The following CRPPA variants were observed in gnomAD, a reference collection of about 807,000 sequenced individuals.
CRPPA encodes CDP-L-ribitol pyrophosphorylase A, also known as D-ribitol-5-phosphate cytidylyltransferase.
A neutral mutation model predicts 52.0 loss-of-function variants in CRPPA; 43 were observed. The ratio of observed to expected loss-of-function variants is 0.83; its 90% CI spans 0.65 to 1.07. The LOEUF (loss-of-function observed/expected upper bound fraction) is 1.07, where lower values mean the gene tolerates loss of function less well. Among genes scored for constraint, CRPPA ranks in the 50% least tolerant of loss-of-function variants. The pLI is 0.00. For synonymous variants in CRPPA, 250 were observed against 203.5 expected, an observed-to-expected ratio of 1.23 and a Z score of -1.94; for missense variants, 629 against 551.7, an observed-to-expected ratio of 1.14 and a Z score of -1.40.
chr7:16,095,875 T>C (rs1781925756), intron 9 of CRPPA, among the ~76,000 whole-genome samples: 1 of 152,172 alleles, frequency 6.6e-6, no homozygotes, highest in Non-Finnish European at 1.5e-5. Context: ...TAACTGTGCA[T>C]GCCCAAGGAG....
intron 2 of CRPPA, among the ~76,000 whole-genome samples, chr7:16,394,859 T>C (rs559447514): frequency 6.6e-5 from 10 of 152,294 alleles, no homozygotes; most frequent in African/African-American, 2.2e-4. Context: ...AATAACTTCT[T>C]GGCTGACTCC....
intron 3 of CRPPA, among the ~76,000 whole-genome samples, chr7:16,337,008 G>A (rs1024179031): frequency 2.0e-5 from 3 of 152,072 alleles, no homozygotes; most frequent in Non-Finnish European, 4.4e-5. Flanking sequence ...TCTGAATGAA[G>A]AGAGAGATTG....
intron 5 of CRPPA, among the ~76,000 whole-genome samples, chr7:16,288,266 G>T (rs1034175138): frequency 6.6e-6 from 1 of 151,588 alleles, no homozygotes; most frequent in African/African-American, 2.4e-5. Flanking sequence ...GAAAGATCAA[G>T]AAATTATCAC....
chr7:16,135,818 C>T (rs946994077), intron 9 of CRPPA, among the ~76,000 whole-genome samples: 11 of 152,288 alleles, frequency 7.2e-5, no homozygotes, highest in Admixed American at 2.0e-4. Flanking sequence ...AGTTGTTAAT[C>T]TCCCATGAAA....
At chr7:16,211,064 A>G (rs1236682343) in intron 9 of CRPPA, among the ~76,000 whole-genome samples, 1 of 152,196 alleles carries the variant, frequency 6.6e-6, no homozygotes, top group African/African-American at 2.4e-5. Context: ...CATGATGTGA[A>G]TGGATCAAAT....
chr7:16,366,779 G>C (rs1786602424), intron 3 of CRPPA, among the ~76,000 whole-genome samples: 1 of 148,098 alleles, frequency 6.8e-6, no homozygotes, highest in Non-Finnish European at 1.5e-5. Context: ...AAAAAAAAAG[G>C]CAAGAGGGAG....
chr7:16,141,346 ATC>A (rs1782866185), intron 9 of CRPPA, among the ~76,000 whole-genome samples: 1 of 152,202 alleles, frequency 6.6e-6, no homozygotes, highest in Non-Finnish European at 1.5e-5. Flanking sequence ...AACACTCAGC[ATC>A]TGATTTGTAT....
chr7:16,282,462 G>A (rs1784338908), intron 5 of CRPPA, among the ~76,000 whole-genome samples: 1 of 152,178 alleles, frequency 6.6e-6, no homozygotes, highest in Non-Finnish European at 1.5e-5. Context: ...TCAAGAGATG[G>A]AGGAGGAGAA....
At chr7:16,112,372 C>T (rs1782284047) in intron 9 of CRPPA, among the ~76,000 whole-genome samples, 1 of 151,124 alleles carries the variant, frequency 6.6e-6, no homozygotes, top group South Asian at 2.1e-4. Flanking sequence ...AACAAAATAC[C>T]ATTAGTTGAA....
chr7:16,398,503 C>T (rs189858004), intron 2 of CRPPA, among the ~76,000 whole-genome samples: 10 of 152,122 alleles, frequency 6.6e-5, no homozygotes, highest in Admixed American at 2.6e-4. Context: ...ATCATTGGCA[C>T]GTGATTGGCA....
intron 9 of CRPPA, among the ~76,000 whole-genome samples, chr7:16,213,153 G>T (rs1444758683): frequency 6.6e-6 from 1 of 152,146 alleles, no homozygotes; most frequent in East Asian, 1.9e-4. Flanking sequence ...ATTCATGCCA[G>T]AAACATTCTG....
chr7:16,299,919 A>C (rs1477475259), intron 5 of CRPPA, among the ~76,000 whole-genome samples: 1 of 151,466 alleles, frequency 6.6e-6, no homozygotes, highest in Non-Finnish European at 1.5e-5. Context: ...AATTGTTGAC[A>C]AAAAAAAAGT....
At chr7:16,313,923 A>T (rs1047658540) in intron 3 of CRPPA, among the ~76,000 whole-genome samples, 2 of 151,936 alleles carry the variant, frequency 1.3e-5, no homozygotes, top group Admixed American at 6.6e-5. Flanking sequence ...TGGCCCAGAA[A>T]GTGGTCTATC....
chr7:16,214,201 C>A (rs551797016), intron 9 of CRPPA, among the ~76,000 whole-genome samples: 6 of 152,044 alleles, frequency 3.9e-5, no homozygotes, highest in Admixed American at 3.9e-4. Context: ...TTGGGACATA[C>A]GCTAAAAATT....
chr7:16,301,252 T>C (rs1437143980), intron 5 of CRPPA, among the ~76,000 whole-genome samples, 169 bp downstream of exon 5: 1 of 152,240 alleles, frequency 6.6e-6, no homozygotes, highest in Non-Finnish European at 1.5e-5. Flanking sequence ...CTGCTATTTC[T>C]CTAGCATGAA....
intron 8 of CRPPA, among the ~76,000 whole-genome samples, chr7:16,253,480 C>G (rs550533544): frequency 1.5e-4 from 23 of 152,080 alleles, no homozygotes; most frequent in African/African-American, 5.3e-4. Flanking sequence ...CAGACTGTTA[C>G]GATTTCTGTT....
At chr7:16,245,682 C>A (rs994209009) in intron 8 of CRPPA, among the ~76,000 whole-genome samples, 1 of 152,096 alleles carries the variant, frequency 6.6e-6, no homozygotes, top group African/African-American at 2.4e-5. Flanking sequence ...AACAAGCATA[C>A]CTCAAAAATA....
chr7:16,192,563 A>G (rs1781637088), intron 9 of CRPPA, among the ~76,000 whole-genome samples: 1 of 152,028 alleles, frequency 6.6e-6, no homozygotes, highest in African/African-American at 2.4e-5. Flanking sequence ...GCCCTTTTCC[A>G]CTATTCTGAT....
chr7:16,362,869 T>C (rs1021256870), intron 3 of CRPPA, among the ~76,000 whole-genome samples: 4 of 152,196 alleles, frequency 2.6e-5, no homozygotes, highest in Admixed American at 6.5e-5. Context: ...GAGGTTTGTC[T>C]CAGTTTTTCT....
Sources: allele counts gnomAD v4.1 joint callset (sites outside exome capture counted in the v4.1 genomes callset), GRCh38; gene constraint gnomAD v4.1.1; transcripts MANE v1.5; gene names NCBI Gene and HGNC (gene_info 2026-07-23, HGNC 2026-07-21).